The following EYA4 variants were observed in gnomAD, a reference collection of about 807,000 sequenced individuals.
The protein encoded by EYA4 is EYA transcriptional coactivator and phosphatase 4, also known as protein phosphatase EYA4.
Under a neutral mutation model 87.9 loss-of-function variants are expected in EYA4, and 31 were observed. That is an observed-to-expected ratio of 0.35 (90% CI 0.27 to 0.48). The LOEUF is 0.48. EYA4 is among the 20% of genes least tolerant of loss of function. EYA4 has a pLI of 0.99. For missense variants in EYA4, 678 were observed against 761.4 expected, an observed-to-expected ratio of 0.89 and a Z score of 1.29; for synonymous variants, 263 against 270.6, an observed-to-expected ratio of 0.97 and a Z score of 0.28.
intron 2 of EYA4, among the ~76,000 whole-genome samples, chr6:133,288,828 A>C (rs186740009): frequency 2.0e-5 from 3 of 152,268 alleles, no homozygotes; most frequent in African/African-American, 7.2e-5. Flanking sequence ...GCTAACTCTC[A>C]GGAGGAATTG....
At chr6:133,491,159 A>T (rs539041955) in intron 13 of EYA4, among the ~76,000 whole-genome samples, 80 of 152,244 alleles carry the variant, frequency 5.3e-4, no homozygotes, top group African/African-American at 1.9e-3. Context: ...GAAAGAAAAA[A>T]GTGATAATGG....
Position 133,462,700 on chromosome 6 carries a change from C to T in EYA4, c.660C>T (p.Leu220=), listed in dbSNP as rs755795461. Residue 220 remains leucine (L), a synonymous_variant, in exon 9 of 20, where the codon CTC becomes CTT. Transcript: ENST00000355286. ...AGTCCCCATTACAGAGTGGCTGCCT[C>T]AGTTACAGCCCAGGGTTCTCTACCC... The part of the protein sequence containing the change: ...QTQSPLQSGC[L]SYSPGFSTPQ... 2 of 1,613,880 alleles carry T rather than the reference C, an allele frequency of 1.2e-6. No homozygotes were observed. Among genetic ancestry groups the T allele is most frequent in the Non-Finnish European group, 1.7e-6 (2 of 1,179,888 alleles).
chr6:133,283,922 A>G (rs1053750300), intron 2 of EYA4, among the ~76,000 whole-genome samples: 1 of 152,168 alleles, frequency 6.6e-6, no homozygotes, highest in Non-Finnish European at 1.5e-5. Context: ...CCCATTTATA[A>G]GTGAAAATAT....
intron 13 of EYA4, among the ~76,000 whole-genome samples, chr6:133,484,481 T>G (rs1236231362): frequency 6.6e-6 from 1 of 152,252 alleles, no homozygotes; most frequent in Non-Finnish European, 1.5e-5. Context: ...AATGGATATT[T>G]CTAAACAGAT....
chr6:133,409,943 A>G (rs1237534011), intron 3 of EYA4, among the ~76,000 whole-genome samples: 1 of 152,174 alleles, frequency 6.6e-6, no homozygotes, highest in Non-Finnish European at 1.5e-5. Context: ...CACCTTAAAT[A>G]TATGTCCTCC....
chr6:133,334,545 C>T (rs917592131), intron 2 of EYA4, among the ~76,000 whole-genome samples: 1 of 152,130 alleles, frequency 6.6e-6, no homozygotes, highest in African/African-American at 2.4e-5. Context: ...TTTCCTGCTA[C>T]CATGTGTCTA....
chr6:133,437,044 C>CT (rs1791756753), intron 3 of EYA4, among the ~76,000 whole-genome samples: 1 of 152,196 alleles, frequency 6.6e-6, no homozygotes, highest in Non-Finnish European at 1.5e-5. Flanking sequence ...AGTTGCATGT[C>CT]TTTACATTTT....
intron 13 of EYA4, among the ~76,000 whole-genome samples, chr6:133,489,564 G>A (rs1480348903): frequency 6.6e-6 from 1 of 152,080 alleles, no homozygotes; most frequent in African/African-American, 2.4e-5. Flanking sequence ...AGACTTTTCA[G>A]TGGAAACCTT....
intron 2 of EYA4, among the ~76,000 whole-genome samples, chr6:133,299,939 C>CTA (rs201050418): frequency 0.04 from 5,362 of 134,416 alleles, 165 homozygotes; most frequent in Non-Finnish European, 0.06. Flanking sequence ...ATCTATCTAT[C>CTA]TATCTATCTA....
At chr6:133,490,383 TAAAAAAAAAC>T (rs1223291468) in intron 13 of EYA4, among the ~76,000 whole-genome samples, 3 of 138,362 alleles carry the variant, frequency 2.2e-5, no homozygotes, top group African/African-American at 9.1e-5. Context: ...CTGAATAGAT[TAAAAAAAAAC>T]AAAAAAAAAC....
intron 1 of EYA4, among the ~76,000 whole-genome samples, chr6:133,242,289 C>T (rs1774015374): frequency 6.6e-6 from 1 of 152,218 alleles, no homozygotes. Flanking sequence ...TTTAAAGGCT[C>T]GCGTTCTAAT....
intron 3 of EYA4, among the ~76,000 whole-genome samples, chr6:133,392,539 C>T (rs1302308428): frequency 6.6e-6 from 1 of 152,150 alleles, no homozygotes; most frequent in Non-Finnish European, 1.5e-5. Flanking sequence ...AGCTATGAAA[C>T]TTACATAAAA....
At chr6:133,469,374 G>A (rs1301585322) in intron 11 of EYA4, among the ~76,000 whole-genome samples, 1 of 152,006 alleles carries the variant, frequency 6.6e-6, no homozygotes, top group Non-Finnish European at 1.5e-5. Context: ...AAATCACAAG[G>A]AAAGGTGGAT....
At chr6:133,242,210 G>T (rs916275050) in intron 1 of EYA4, among the ~76,000 whole-genome samples, 1 of 152,230 alleles carries the variant, frequency 6.6e-6, no homozygotes, top group Admixed American at 6.5e-5. Context: ...CAGGCGCGAG[G>T]ATGCTGACCC....
At chr6:133,451,065 C>T (rs534035821) in intron 5 of EYA4, among the ~76,000 whole-genome samples, 1 of 152,250 alleles carries the variant, frequency 6.6e-6, no homozygotes, top group Admixed American at 6.5e-5. Flanking sequence ...GCAAATAAAG[C>T]AGAGGTCAGG....
intron 2 of EYA4, among the ~76,000 whole-genome samples, chr6:133,364,240 A>G (rs1425553532): frequency 6.6e-6 from 1 of 152,206 alleles, no homozygotes; most frequent in African/African-American, 2.4e-5. Context: ...ACTTGAAAAA[A>G]TGCCAACTGG....
intron 3 of EYA4, among the ~76,000 whole-genome samples, chr6:133,442,961 C>T (rs1792454391): frequency 6.6e-6 from 1 of 151,972 alleles, no homozygotes; most frequent in Non-Finnish European, 1.5e-5. Context: ...ATCAGCTTTA[C>T]ATTACTGGCA....
At chr6:133,271,673 C>T (rs999601104) in intron 1 of EYA4, among the ~76,000 whole-genome samples, 6 of 152,090 alleles carry the variant, frequency 3.9e-5, no homozygotes, top group Non-Finnish European at 8.8e-5. Flanking sequence ...CAGCAGTGGC[C>T]GTAGCCAGTT....
intron 3 of EYA4, among the ~76,000 whole-genome samples, chr6:133,427,558 T>G (rs1459898138): frequency 6.6e-6 from 1 of 152,136 alleles, no homozygotes; most frequent in East Asian, 1.9e-4. Context: ...CTAAATTCCA[T>G]GATTGTTAAA....
Sources: gnomAD v4.1 joint callset for allele counts (sites outside exome capture counted in the v4.1 genomes callset) on GRCh38, gnomAD v4.1.1 for gene constraint, MANE v1.5 for transcripts, NCBI Gene and HGNC (gene_info 2026-07-23, HGNC 2026-07-21) for gene names.